The following WWOX variants were observed in gnomAD, a reference collection of about 807,000 sequenced individuals.
The protein encoded by WWOX is WW domain containing oxidoreductase.
A neutral mutation model predicts 46.2 loss-of-function variants in WWOX; 69 were observed. The ratio of observed to expected loss-of-function variants is 1.49; its 90% confidence interval spans 1.23 to 1.82. The LOEUF is 1.82. Among genes scored for constraint, WWOX ranks in the 40% most tolerant of loss-of-function variants. The pLI, the probability that WWOX is intolerant of heterozygous loss-of-function variation, is 0.00. For synonymous variants in WWOX, 359 were observed against 202.6 expected, an observed-to-expected ratio of 1.77 and a Z score of -6.56; for missense variants, 919 against 542.6, an observed-to-expected ratio of 1.69 and a Z score of -6.89.
intron 8 of WWOX, among the ~76,000 whole-genome samples, chr16:79,162,629 G>T (rs1269226500): frequency 6.6e-6 from 1 of 152,192 alleles, no homozygotes; most frequent in Non-Finnish European, 1.5e-5. Flanking sequence ...CAAACAGTTT[G>T]CCCTTGGACC....
intron 8 of WWOX, among the ~76,000 whole-genome samples, chr16:78,968,961 A>T (rs982069783): frequency 2.0e-5 from 3 of 151,246 alleles, no homozygotes; most frequent in African/African-American, 4.9e-5. Flanking sequence ...GCTTTTTTCC[A>T]CTTTCAAATG....
At chr16:78,903,248 C>T (rs1214491670) in intron 8 of WWOX, among the ~76,000 whole-genome samples, 1 of 152,152 alleles carries the variant, frequency 6.6e-6, no homozygotes, top group Non-Finnish European at 1.5e-5. Flanking sequence ...TTATTGGTTG[C>T]AGAAAGCAAC....
intron 8 of WWOX, among the ~76,000 whole-genome samples, chr16:78,918,920 G>T (rs117994602): frequency 0.011 from 1,625 of 152,220 alleles, 17 homozygotes; most frequent in Non-Finnish European, 0.017. Context: ...CAGAGGAGTT[G>T]TTATTGTGGT....
intron 6 of WWOX, among the ~76,000 whole-genome samples, chr16:78,406,902 A>G (rs1212412323): frequency 6.6e-6 from 1 of 152,250 alleles, no homozygotes; most frequent in Non-Finnish European, 1.5e-5. Context: ...CTGGGATTAC[A>G]GGCGTCAGCC....
chr16:79,022,389 C>A (rs142788126), intron 8 of WWOX, among the ~76,000 whole-genome samples: 2 of 149,260 alleles, frequency 1.3e-5, no homozygotes, highest in Non-Finnish European at 3.0e-5. Context: ...ATCAAGCCTA[C>A]TGGCTTATCT....
At chr16:79,116,896 TA>T (rs1026489643) in intron 8 of WWOX, among the ~76,000 whole-genome samples, 2 of 152,122 alleles carry the variant, frequency 1.3e-5, no homozygotes, top group African/African-American at 2.4e-5. Context: ...TGTATTTCTT[TA>T]ATAATAATAC....
chr16:78,387,025 A>G, intron 6 of WWOX, 77 bp downstream of exon 6: 1 of 1,422,282 alleles, frequency 7.0e-7, no homozygotes, highest in Non-Finnish European at 9.9e-7. Flanking sequence ...CACAATTGGG[A>G]GAATGCAAGG....
At chr16:78,920,409 C>T (rs951932132) in intron 8 of WWOX, among the ~76,000 whole-genome samples, 1 of 152,182 alleles carries the variant, frequency 6.6e-6, no homozygotes, top group African/African-American at 2.4e-5. Flanking sequence ...TTCTGTCTTG[C>T]TGTCCCAAGT....
chr16:79,062,099 C>A (rs2048366755), intron 8 of WWOX, among the ~76,000 whole-genome samples: 1 of 152,154 alleles, frequency 6.6e-6, no homozygotes, highest in Admixed American at 6.5e-5. Context: ...CTCCCCACCC[C>A]ACGTGATCTC....
At chr16:79,152,516 C>G (rs769891371) in intron 8 of WWOX, among the ~76,000 whole-genome samples, 1 of 151,900 alleles carries the variant, frequency 6.6e-6, no homozygotes, top group Non-Finnish European at 1.5e-5. Context: ...CTAAAAAATA[C>G]AAAAATTAGC....
chr16:78,540,020 T>TCTCTCTCTCTCTCACACACACACA (rs369075883), intron 8 of WWOX, among the ~76,000 whole-genome samples: 2 of 132,854 alleles, frequency 1.5e-5, no homozygotes, highest in African/African-American at 6.0e-5. Context: ...TCTCTCTCTC[T>TCTCTCTCTCTCTCACACACACACA]CACACACACA....
intron 6 of WWOX, among the ~76,000 whole-genome samples, chr16:78,420,226 A>C (rs2082890609): frequency 6.6e-6 from 1 of 152,104 alleles, no homozygotes; most frequent in Non-Finnish European, 1.5e-5. Context: ...AAAAAGTTAA[A>C]CATTGAATTA....
At chr16:78,729,015 C>T (rs1346749800) in intron 8 of WWOX, among the ~76,000 whole-genome samples, 3 of 152,134 alleles carry the variant, frequency 2.0e-5, no homozygotes, top group East Asian at 1.9e-4. Context: ...TAGGGTCATC[C>T]CCCTAAAGAT....
At chr16:78,657,698 C>G (rs2047112872) in intron 8 of WWOX, among the ~76,000 whole-genome samples, 2 of 152,148 alleles carry the variant, frequency 1.3e-5, no homozygotes, top group Non-Finnish European at 2.9e-5. Flanking sequence ...GACAAGAGGT[C>G]ACATTGCCTT....
intron 5 of WWOX, among the ~76,000 whole-genome samples, chr16:78,256,771 G>T (rs892765931): frequency 6.6e-6 from 1 of 152,142 alleles, no homozygotes; most frequent in Non-Finnish European, 1.5e-5. Context: ...GTGAATGGTA[G>T]TAGATTGCCT....
intron 8 of WWOX, among the ~76,000 whole-genome samples, chr16:78,933,911 G>T (rs919371424): frequency 6.6e-6 from 1 of 152,112 alleles, no homozygotes; most frequent in Non-Finnish European, 1.5e-5. Flanking sequence ...CATAACTATA[G>T]CTGGGTGAAG....
chr16:78,907,068 G>T (rs914450978), intron 8 of WWOX, among the ~76,000 whole-genome samples: 4 of 152,090 alleles, frequency 2.6e-5, no homozygotes, highest in African/African-American at 7.2e-5. Flanking sequence ...CAGCTAAACG[G>T]GAGACTGGAG....
At chr16:78,692,220 A>G (rs996824695) in intron 8 of WWOX, among the ~76,000 whole-genome samples, 5 of 152,344 alleles carry the variant, frequency 3.3e-5, no homozygotes, top group Middle Eastern at 3.4e-3. Flanking sequence ...TCTAACTCCT[A>G]AGGTTTTATT....
chr16:78,713,624 T>C (rs772459415), intron 8 of WWOX, among the ~76,000 whole-genome samples: 62 of 152,142 alleles, frequency 4.1e-4, no homozygotes, highest in Non-Finnish European at 7.8e-4. Flanking sequence ...GGAATTCATA[T>C]GCATGGAGGA....
Sources: allele counts gnomAD v4.1 joint callset (sites outside exome capture counted in the v4.1 genomes callset), GRCh38; gene constraint gnomAD v4.1.1; transcripts MANE v1.5; gene names NCBI Gene and HGNC (gene_info 2026-07-23, HGNC 2026-07-21).